The following PRKCH variants were observed in gnomAD, a reference collection of about 807,000 sequenced individuals.
PRKCH encodes protein kinase C eta.
PRKCH carries 28 observed loss-of-function variants against 82.5 expected under a neutral mutation model. The observed-to-expected ratio is 0.34, with a 90% confidence interval of 0.25 to 0.47. PRKCH has a LOEUF of 0.47. Among genes scored for constraint, PRKCH ranks in the 20% least tolerant of loss-of-function variants. The probability of loss-of-function intolerance (pLI) is 1.00; values close to 1 mark genes in which losing one functional copy is unlikely to be tolerated. For synonymous variants in PRKCH, 322 were observed against 327.4 expected, an observed-to-expected ratio of 0.98 and a Z score of 0.18; for missense variants, 705 against 881.8, an observed-to-expected ratio of 0.80 and a Z score of 2.54.
rs570320360 is a variant in PRKCH at position 61,333,367 on chromosome 14, G to A, written c.363+10903G>A. 2.0e-5 allele frequency among the ~76,000 whole-genome samples: 3 copies of A among 152,266 alleles called. No homozygotes were observed. The South Asian group carries it at 6.2e-4, about 31-fold the overall frequency. On this transcript the variant is annotated intron_variant, in intron 1 of 13. Transcript: ENST00000332981. ...GCCTTTCCTAAACCTTAAGGACACA[G>A]GACCTCAGGTTGAGAAACCTCAGTT...
chr14:61,390,951 T>C, intron 1 of PRKCH: 1 of 319,826 alleles, frequency 3.1e-6, no homozygotes. Context: ...TTACCAAGTA[T>C]GTGGATGTGC....
intron 1 of PRKCH, among the ~76,000 whole-genome samples, chr14:61,380,383 C>T (rs899884183): frequency 6.7e-6 from 1 of 149,178 alleles, no homozygotes; most frequent in Non-Finnish European, 1.5e-5. Context: ...TGAGCCACTG[C>T]AGCCAACCCC....
intron 9 of PRKCH, among the ~76,000 whole-genome samples, chr14:61,473,921 G>A (rs186383616): frequency 3.7e-4 from 56 of 152,124 alleles, no homozygotes; most frequent in African/African-American, 1.1e-3. Context: ...TTGCACCCGG[G>A]AGGCAAAGGT....
chr14:61,459,409 C>G (rs1223561092), intron 9 of PRKCH, among the ~76,000 whole-genome samples: 2 of 152,212 alleles, frequency 1.3e-5, no homozygotes, highest in Non-Finnish European at 1.5e-5. Context: ...TATGGGTCTG[C>G]TGGTGAGACA....
chr14:61,358,841 T>C (rs575915919), intron 1 of PRKCH, among the ~76,000 whole-genome samples: 1 of 152,276 alleles, frequency 6.6e-6, no homozygotes, highest in East Asian at 1.9e-4. Flanking sequence ...TTCCCACCTT[T>C]GTTAGCGACA....
In PRKCH at chr14:61,534,018, G is replaced by A. The variant is rs983035393; in HGVS notation, c.1761+3423G>A. On this transcript the variant is annotated intron_variant, in intron 12 of 13. Transcript: ENST00000332981. The stretch of plus-strand genomic sequence containing the variant: ...AGAGATTGTCCCTTCCAACCCCCTC[G>A]TTTTATAGATGAGGAAACCATGAGG... 7.9e-5 allele frequency among the ~76,000 whole-genome samples: 12 copies of A among 152,080 alleles called. No individual in the cohort carries two copies. The East Asian group carries it at 9.6e-4, about 12-fold the overall frequency.
intron 1 of PRKCH, among the ~76,000 whole-genome samples, chr14:61,222,617 T>C (rs915813497): frequency 6.6e-6 from 1 of 152,214 alleles, no homozygotes; most frequent in Non-Finnish European, 1.5e-5. Flanking sequence ...TGTGTGTGAA[T>C]CATTTGAGCT....
intron 10 of PRKCH, among the ~76,000 whole-genome samples, chr14:61,521,486 T>C (rs1164037210): frequency 6.6e-6 from 1 of 152,102 alleles, no homozygotes; most frequent in Non-Finnish European, 1.5e-5. Context: ...ATAGCAGAGA[T>C]TGAGAATTTA....
At position 61,457,510 on chromosome 14, in the gene PRKCH, T is replaced by C; in HGVS notation, c.1109T>C (p.Met370Thr). The change falls in exon 9 of 14, where the codon ATG becomes ACG. Residue 370 changes from methionine (M) to threonine (T), a missense_variant. Coordinates refer to ENST00000332981, the MANE Select transcript of PRKCH (RefSeq NM_006255.5). Reference sequence around the variant, plus strand: ...CCTCCTTTTGCTTTGCCATAGGTGATGCTTGCAAGAGTAAAAGAAACAGGA... The same window carrying C: ...CCTCCTTTTGCTTTGCCATAGGTGACGCTTGCAAGAGTAAAAGAAACAGGA... ...VLGKGSFGKV[M>T]LARVKETGDL... 6.2e-7 allele frequency: 1 copy of C among 1,614,046 alleles called. No homozygotes were observed. Among genetic ancestry groups the C allele is most frequent in the East Asian group, 2.2e-5 (1 of 44,872 alleles).
chr14:61,544,314 T>A (rs991896363), intron 12 of PRKCH: 3 of 152,168 alleles, frequency 2.0e-5, no homozygotes, highest in African/African-American at 7.2e-5. Flanking sequence ...TGTTCCCGAG[T>A]ATCTCATTTT....
At chr14:61,420,892 G>A (rs982104359) in intron 2 of PRKCH, among the ~76,000 whole-genome samples, 8 of 152,014 alleles carry the variant, frequency 5.3e-5, no homozygotes, top group Non-Finnish European at 8.8e-5. Context: ...TGGAGGAGTG[G>A]GTAACTTGCT....
intron 1 of PRKCH, among the ~76,000 whole-genome samples, chr14:61,235,997 C>T (rs1201250038): frequency 6.6e-6 from 1 of 152,170 alleles, no homozygotes; most frequent in East Asian, 1.9e-4. Flanking sequence ...TCAGACTTGC[C>T]TTGTGATACC....
intron 1 of PRKCH, chr14:61,277,310 AC>A (rs1348801456): frequency 6.6e-6 from 1 of 152,200 alleles, no homozygotes; most frequent in African/African-American, 2.4e-5. Context: ...ATTTTTTTTA[AC>A]CATCTGAGAA....
At chr14:61,296,488 G>A (rs112871041) in intron 1 of PRKCH, among the ~76,000 whole-genome samples, 1 of 152,146 alleles carries the variant, frequency 6.6e-6, no homozygotes, top group Non-Finnish European at 1.5e-5. Context: ...GTCATGCCAC[G>A]GGGTGCATCT....
chr14:61,428,644 T>TG (rs1264317817), intron 2 of PRKCH, among the ~76,000 whole-genome samples: 3 of 152,210 alleles, frequency 2.0e-5, no homozygotes, highest in Non-Finnish European at 2.9e-5. Context: ...TAGGACCTTA[T>TG]CAACATAGAT....
At chr14:61,422,602 C>T (rs757251837) in intron 2 of PRKCH, among the ~76,000 whole-genome samples, 12 of 152,198 alleles carry the variant, frequency 7.9e-5, no homozygotes, top group African/African-American at 1.4e-4. Context: ...CGGGCACCAT[C>T]GGGGGTCCCT....
At chr14:61,471,856 C>T (rs188293521) in intron 9 of PRKCH, among the ~76,000 whole-genome samples, 1 of 152,134 alleles carries the variant, frequency 6.6e-6, no homozygotes, top group African/African-American at 2.4e-5. Flanking sequence ...CCCTGGCTCC[C>T]TTACATGACT....
intron 9 of PRKCH, among the ~76,000 whole-genome samples, chr14:61,483,505 T>G (rs1886073847): frequency 6.6e-6 from 1 of 152,274 alleles, no homozygotes. Context: ...ATTAAATTCT[T>G]GCTTCGCTTT....
At chr14:61,516,903 T>C (rs1185197705) in intron 10 of PRKCH, among the ~76,000 whole-genome samples, 1 of 152,188 alleles carries the variant, frequency 6.6e-6, no homozygotes, top group Non-Finnish European at 1.5e-5. Context: ...ATATCATCTA[T>C]AATCTAAAAG....
Sources: allele counts gnomAD v4.1 joint callset (sites outside exome capture counted in the v4.1 genomes callset), GRCh38; gene constraint gnomAD v4.1.1; transcripts MANE v1.5; gene names NCBI Gene and HGNC (gene_info 2026-07-23, HGNC 2026-07-21).